The following SLC15A1 variants were observed in gnomAD, a reference collection of about 807,000 sequenced individuals.
SLC15A1 encodes the protein Caco-2 oligopeptide transporter.
In SLC15A1, 83 loss-of-function variants were observed where a neutral mutation model predicts 92.9. The ratio of observed to expected loss-of-function variants is 0.89; its 90% CI spans 0.75 to 1.07. SLC15A1 has a LOEUF of 1.07. SLC15A1 is among the 50% of genes least tolerant of loss of function. SLC15A1 has a pLI of 0.00. For missense variants in SLC15A1, 857 were observed against 880.1 expected (o/e 0.97, Z 0.33); for synonymous variants, 322 against 318.2 (o/e 1.01, Z -0.13).
chr13:98,723,794 G>C (rs2088277573), intron 5 of SLC15A1, 118 bp downstream of exon 5: 17 of 1,400,758 alleles, frequency 1.2e-5, no homozygotes, highest in Non-Finnish European at 1.7e-5. Flanking sequence ...TGCTGCCCAA[G>C]GGGGAGGAAA....
At chr13:98,711,789 G>T in intron 11 of SLC15A1, 65 bp downstream of exon 11, 2 of 1,173,604 alleles carry the variant, frequency 1.7e-6, no homozygotes, top group South Asian at 1.3e-5. Flanking sequence ...GTGAGCCTTG[G>T]TACCTGGCAG....
chr13:98,698,688 C>T (rs2088042998), intron 18 of SLC15A1, among the ~76,000 whole-genome samples: 3 of 152,218 alleles, frequency 2.0e-5, no homozygotes, highest in Admixed American at 2.0e-4. Context: ...CCACCTACCT[C>T]AGCCTCCCAA....
In SLC15A1 at chr13:98,730,552, A is replaced by G. The variant is rs765250509; in HGVS notation, c.5-3693T>C. Among the ~76,000 whole-genome samples the G allele has an allele frequency of 8.2e-4, 125 of 152,286 alleles. 1 individual carries two copies. The Middle Eastern group carries it at 0.017, about 21-fold the overall frequency. The stretch of plus-strand genomic sequence containing the variant: ...TTTCATGCTGGGACCTGCCAGCTGC[A>G]TGGCGGGTGAGCCCATCTGTTTCGG... On this transcript the variant is annotated intron_variant, in intron 1 of 22. Transcript: ENST00000376503.
chr13:98,741,118 G>A (rs1386971373), intron 1 of SLC15A1, among the ~76,000 whole-genome samples: 11 of 152,134 alleles, frequency 7.2e-5, no homozygotes, highest in Non-Finnish European at 1.2e-4. Flanking sequence ...CTTCTAGGCC[G>A]GATGCAGCCC....
intron 1 of SLC15A1, among the ~76,000 whole-genome samples, chr13:98,746,054 G>A (rs140678928): frequency 1.3e-5 from 2 of 152,166 alleles, no homozygotes; most frequent in East Asian, 3.9e-4. Context: ...GTAGGCCCCA[G>A]TATGTGTTGT....
intron 18 of SLC15A1, among the ~76,000 whole-genome samples, chr13:98,692,224 G>A (rs2087986352): frequency 7.3e-6 from 1 of 136,988 alleles, no homozygotes; most frequent in Admixed American, 8.5e-5. Flanking sequence ...TGCAATCATG[G>A]CTCACTGCAG....
intron 9 of SLC15A1, among the ~76,000 whole-genome samples, chr13:98,714,256 G>A (rs1442962166): frequency 6.8e-6 from 1 of 146,046 alleles, no homozygotes; most frequent in African/African-American, 2.4e-5. Flanking sequence ...CTTTTTGGTG[G>A]GAACAGTTCT....
chr13:98,716,259 A>G (rs1245569791), intron 8 of SLC15A1, among the ~76,000 whole-genome samples: 1 of 152,200 alleles, frequency 6.6e-6, no homozygotes, highest in African/African-American at 2.4e-5. Flanking sequence ...CACAAGTTCT[A>G]TCTCTATTTA....
chr13:98,718,943 A>G (rs1593996244), intron 8 of SLC15A1, among the ~76,000 whole-genome samples: 1 of 152,166 alleles, frequency 6.6e-6, no homozygotes, highest in Admixed American at 6.5e-5. Flanking sequence ...ATGAGTGACC[A>G]TGCTGGGCCT....
At chr13:98,711,245 C>A (rs2088160617) in intron 11 of SLC15A1, among the ~76,000 whole-genome samples, 1 of 152,168 alleles carries the variant, frequency 6.6e-6, no homozygotes, top group South Asian at 2.1e-4. Context: ...TCTTTAAAAA[C>A]AAACACTTTC....
intron 1 of SLC15A1, among the ~76,000 whole-genome samples, chr13:98,751,226 A>G (rs1307248158): frequency 5.3e-5 from 8 of 152,174 alleles, no homozygotes; most frequent in Non-Finnish European, 7.3e-5. Context: ...TGCTATGTCA[A>G]TCTCAGTTGC....
intron 18 of SLC15A1, among the ~76,000 whole-genome samples, chr13:98,690,090 C>T (rs1363811838): frequency 6.6e-6 from 1 of 152,152 alleles, no homozygotes; most frequent in African/African-American, 2.4e-5. Context: ...TTGACTTTTC[C>T]TACCAAACAC....
In SLC15A1 at chr13:98,685,935, A is replaced by C. The variant is rs543633647; in HGVS notation, c.1935+255T>G. ...CGAGAGGCGGAGGTTGCAGTGAGCC[A>C]AGATTGCGCCACTGCACTCCAGCTG... On this transcript the variant is annotated intron_variant, in intron 22 of 22. Coordinates refer to ENST00000376503, the MANE Select transcript of SLC15A1 (RefSeq NM_005073.4). Among the ~76,000 whole-genome samples the C allele has an allele frequency of 8.9e-4, 136 of 151,982 alleles. 1 individual carries two copies. Among genetic ancestry groups the C allele is most frequent in the African/African-American group, 3.0e-3 (125 of 41,474 alleles).
At chr13:98,700,853 A>C (rs1374605966) in intron 18 of SLC15A1, among the ~76,000 whole-genome samples, 2 of 152,328 alleles carry the variant, frequency 1.3e-5, no homozygotes, top group East Asian at 3.9e-4. Context: ...TTTGACAAAA[A>C]TCAGTTGGTT....
At chr13:98,750,149 G>C (rs1472887360) in intron 1 of SLC15A1, among the ~76,000 whole-genome samples, 1 of 150,952 alleles carries the variant, frequency 6.6e-6, no homozygotes, top group African/African-American at 2.4e-5. Flanking sequence ...TTTCACTCTT[G>C]TCGTCCAGGC....
At chr13:98,701,844 T>A (rs7327300) in intron 18 of SLC15A1, among the ~76,000 whole-genome samples, 8,674 of 148,770 alleles carry the variant, frequency 0.058, 484 homozygotes, top group African/African-American at 0.14. Flanking sequence ...CTATTTTTTT[T>A]AAAAATTTTT....
rs894690923 is a variant in SLC15A1 at position 98,684,697 on chromosome 13, G to A, written c.*27C>T. On this transcript the variant is annotated 3_prime_UTR_variant, in exon 23 of 23. Coordinates refer to ENST00000376503, the MANE Select transcript of SLC15A1 (RefSeq NM_005073.4). ...AGAGGTCAGGGCATCTGCGGGCCCA[G>A]TCCATCCTCCACTTGCCTCCTGACC... The A allele has an allele frequency of 6.2e-7, 1 of 1,607,206 alleles. No individual in the cohort carries two copies. The highest frequency in any genetic ancestry group is 8.5e-7 in the Non-Finnish European group (1 of 1,174,766).
intron 4 of SLC15A1, 22 bp downstream of exon 4, chr13:98,726,101 C>G: frequency 6.2e-7 from 1 of 1,611,002 alleles, no homozygotes. Context: ...TGTTTGTGAA[C>G]AAGAAATTTC....
At chr13:98,744,642 G>A (rs942162785) in intron 1 of SLC15A1, among the ~76,000 whole-genome samples, 1 of 151,086 alleles carries the variant, frequency 6.6e-6, no homozygotes, top group Non-Finnish European at 1.5e-5. Context: ...CCAGCTACTC[G>A]GGAGGCTGAG....
Sources: allele counts gnomAD v4.1 joint callset (sites outside exome capture counted in the v4.1 genomes callset), GRCh38; gene constraint gnomAD v4.1.1; transcripts MANE v1.5; gene names NCBI Gene and HGNC (gene_info 2026-07-23, HGNC 2026-07-21).